Variants in SH2B1 observed in about 807,000 individuals in gnomAD.
SH2B1 encodes the protein SH2B adaptor protein 1.
In SH2B1, 15 loss-of-function variants were observed where a neutral mutation model predicts 62.6. The observed-to-expected ratio is 0.24, with a 90% CI of 0.16 to 0.37. The LOEUF (loss-of-function observed/expected upper bound fraction) is 0.37, where lower values mean the gene tolerates loss of function less well. Among genes scored for constraint, SH2B1 ranks in the 10% least tolerant of loss-of-function variants. The pLI is 1.00. For missense variants in SH2B1, 925 were observed against 1,015.6 expected (o/e 0.91, Z 1.21); for synonymous variants, 443 against 438.0 (o/e 1.01, Z -0.14).
In SH2B1 at chr16:28,873,899, C is replaced by T. The variant is rs933439561; in HGVS notation, c.*79C>T. 96 of 1,293,504 alleles carry T rather than the reference C, an allele frequency of 7.4e-5. No individual in the cohort carries two copies. The East Asian group carries it at 2.7e-3, about 37-fold the overall frequency. 80.1% of individuals were successfully genotyped at this position (1,293,504 alleles called of 1,614,324 possible). ...TGGGCTGGGTAGGGACAGAGGAGGC[C>T]GAAATCCCTCCCCCATGCTTCCTGA... On this transcript the variant is annotated 3_prime_UTR_variant, in exon 8 of 8. Coordinates refer to ENST00000684370, the MANE Select transcript of SH2B1 (RefSeq NM_001387430.1). This position sits in a 1 kb window ranked among gnomAD's most constrained non-coding sequence, Gnocchi z 4.2.
chr16:28,852,343 CATATATATTTATATATATATTTAT>C (rs1209978962), intron 1 of SH2B1, among the ~76,000 whole-genome samples: 4 of 29,526 alleles, frequency 1.4e-4, no homozygotes, highest in African/African-American at 5.8e-4. Context: ...TATATATTTA[CATATATATTTATATATATATTTAT>C]ATATATTTAC....
intron 2 of SH2B1, among the ~76,000 whole-genome samples, chr16:28,867,908 A>G (rs1345298721): frequency 6.6e-6 from 1 of 152,166 alleles, no homozygotes; most frequent in African/African-American, 2.4e-5. Context: ...GGCTCACTGC[A>G]ACCTCTGCCT....
intron 2 of SH2B1, among the ~76,000 whole-genome samples, chr16:28,868,397 C>T (rs895951797): frequency 2.6e-5 from 4 of 152,134 alleles, no homozygotes; most frequent in Non-Finnish European, 5.9e-5. Flanking sequence ...GCCTCAGCCT[C>T]CCAAAGTGCT....
chr16:28,859,932 C>A (rs900303590), upstream of SH2B1, among the ~76,000 whole-genome samples: 2 of 138,024 alleles, frequency 1.4e-5, no homozygotes, highest in African/African-American at 5.5e-5. Flanking sequence ...GTAGTTATAG[C>A]GGAAAGCATC....
rs1009035749 is a variant in SH2B1, at chr16:28,872,323, C to T, written c.1647C>T (p.His549=). The T allele has an allele frequency of 2.5e-6, 4 of 1,613,792 alleles. No homozygotes were observed. Among genetic ancestry groups the T allele is most frequent in the South Asian group, 2.2e-5 (2 of 91,082 alleles). ...QLVLTGGTGS[H]GVFLVRQSET... Reference sequence around the variant, plus strand: ...TGCTGACTGGCGGCACTGGCTCCCACGGTGTCTTCCTGGTGCGCCAGAGTG... The same window carrying T: ...TGCTGACTGGCGGCACTGGCTCCCATGGTGTCTTCCTGGTGCGCCAGAGTG... The change falls in exon 6 of 8, where the codon CAC becomes CAT. Residue 549 remains histidine, a synonymous_variant. Coordinates refer to ENST00000684370, the MANE Select transcript of SH2B1 (RefSeq NM_001387430.1). The surrounding 1 kb of genome is among the most constrained non-coding windows in gnomAD (Gnocchi z 5.3).
chr16:28,862,709 G>C (rs1962489341), upstream of SH2B1: 2 of 143,378 alleles, frequency 1.4e-5, no homozygotes, highest in African/African-American at 2.6e-5. Flanking sequence ...TCTGCCTCCC[G>C]GGTTCAAGCT....
chr16:28,866,606 A>T lies in SH2B1; in HGVS notation c.512A>T (p.Gln171Leu), dbSNP rs757189846. 22 of 1,613,846 alleles carry T rather than the reference A, an allele frequency of 1.4e-5. No homozygotes were observed. Among genetic ancestry groups the T allele is most frequent in the Non-Finnish European group, 1.9e-5 (22 of 1,180,006 alleles). The change falls in exon 1 of 8, where the codon CAG becomes CTG. Residue 171 changes from glutamine to leucine, a missense_variant. By Grantham distance (113) the Gln-to-Leu change is moderately radical (BLOSUM62 -2). Transcript: ENST00000684370. The surrounding 1 kb of genome is among the most constrained non-coding windows in gnomAD (Gnocchi z 6.3). ...CGAGGCTCAGTCCGTGGCATCCTGC[A>T]GTGGCGGGGGACCGTTGACCCTCCC... is the stretch of plus-strand genomic sequence containing the variant. ...SVRGSVRGIL[Q>L]WRGTVDPPSS... is the part of the protein sequence containing the mutation.
At chr16:28,854,001 CAAAAAA>C (rs59760541) in intron 1 of SH2B1, among the ~76,000 whole-genome samples, 6 of 45,982 alleles carry the variant, frequency 1.3e-4, no homozygotes, top group South Asian at 2.5e-3. Flanking sequence ...GACTAGGTCT[CAAAAAA>C]AAAAAAAAAA....
intron 2 of SH2B1, among the ~76,000 whole-genome samples, chr16:28,867,647 G>A (rs938444796): frequency 6.6e-6 from 1 of 152,204 alleles, no homozygotes; most frequent in South Asian, 2.1e-4. Flanking sequence ...GAACTGTGGA[G>A]TTTTTGTTGT....
At chr16:28,857,215 G>A (rs1271235736) in intron 1 of SH2B1, among the ~76,000 whole-genome samples, 1 of 151,780 alleles carries the variant, frequency 6.6e-6, no homozygotes, top group Non-Finnish European at 1.5e-5. Flanking sequence ...CCCGGGAGAT[G>A]GAGGTTGCAG....
chr16:28,847,816 CTTTTTTTTT>C (rs34950443), intron 1 of SH2B1, among the ~76,000 whole-genome samples: 5 of 84,244 alleles, frequency 5.9e-5, no homozygotes, highest in Admixed American at 2.4e-4. Context: ...AAGACCCCAT[CTTTTTTTTT>C]TTTTTTTTTT....
intron 1 of SH2B1, among the ~76,000 whole-genome samples, chr16:28,856,230 G>A (rs1286419176): frequency 2.8e-5 from 4 of 143,780 alleles, no homozygotes; most frequent in African/African-American, 7.8e-5. Context: ...CCCAGATCAC[G>A]CCACTGCACT....
At chr16:28,851,829 G>A (rs1249615516) in intron 1 of SH2B1, among the ~76,000 whole-genome samples, 2 of 150,478 alleles carry the variant, frequency 1.3e-5, no homozygotes, top group Non-Finnish European at 3.0e-5. Context: ...AGCACTTTGG[G>A]AGGCCGAGGC....
At chr16:28,868,110 G>A (rs1228867127) in intron 2 of SH2B1, among the ~76,000 whole-genome samples, 4 of 152,080 alleles carry the variant, frequency 2.6e-5, no homozygotes, top group Non-Finnish European at 5.9e-5. Flanking sequence ...ACAGGCGTGA[G>A]CCACTGTGCC....
At chr16:28,870,644 T>C (rs1388804310) in intron 4 of SH2B1, among the ~76,000 whole-genome samples, 5 of 151,948 alleles carry the variant, frequency 3.3e-5, no homozygotes, top group Admixed American at 2.6e-4. Context: ...CTTTTTTTTT[T>C]TGTTTGTGTG....
Position 28,872,063 on chromosome 16 carries a change from C to A in SH2B1, c.1513+80C>A. ...CACCTCTCCTGGGATCCCGAGGGAG[C>A]TGGCCCAGGGGAGTTGGGGACGCAT... On this transcript the variant is annotated intron_variant, in intron 5 of 7. Transcript: ENST00000684370. The surrounding 1 kb of genome is among the most constrained non-coding windows in gnomAD (Gnocchi z 5.3). 7.4e-7 allele frequency: 1 copy of A among 1,344,116 alleles called. No homozygotes were observed. Among genetic ancestry groups the A allele is most frequent in the Non-Finnish European group, 1.1e-6 (1 of 942,042 alleles). The allele number at this position is 1,344,116 out of a possible 1,614,324, so 83.3% of individuals were successfully genotyped here.
In SH2B1 at chr16:28,864,590, G is replaced by C; in HGVS notation, c.-1505G>C. On this transcript the variant is annotated 5_prime_UTR_variant, in exon 1 of 8. Coordinates refer to ENST00000684370, the MANE Select transcript of SH2B1 (RefSeq NM_001387430.1). ...TTCACCGACTTACAGCCTGGCTGTA[G>C]GTTTGAACAGGAGTCTGAGGTCGCT... The C allele has an allele frequency of 1.0e-6, 1 of 985,660 alleles. No homozygotes were observed. The highest frequency in any genetic ancestry group is 1.2e-6 in the Non-Finnish European group (1 of 830,070). The allele number at this position is 985,660 out of a possible 1,614,324, so 61.1% of individuals were successfully genotyped here.
intron 4 of SH2B1, among the ~76,000 whole-genome samples, chr16:28,870,113 G>A (rs557986449): frequency 6.6e-6 from 1 of 152,330 alleles, no homozygotes; most frequent in Non-Finnish European, 1.5e-5. Flanking sequence ...TGCACCACAC[G>A]CCTGTCTTCT....
intron 1 of SH2B1, among the ~76,000 whole-genome samples, chr16:28,856,110 C>CAA (rs56267263): frequency 0.34 from 46,323 of 134,708 alleles, 8,086 homozygotes; most frequent in Admixed American, 0.42. Context: ...ACTAAAAATA[C>CAA]AAAAAAAAAA....
Sources: gnomAD v4.1 joint callset for allele counts (sites outside exome capture counted in the v4.1 genomes callset) on GRCh38, gnomAD v4.1.1 for gene constraint, Gnocchi (gnomAD v3.1) non-coding constraint, MANE v1.5 for transcripts, NCBI Gene and HGNC (gene_info 2026-07-23, HGNC 2026-07-21) for gene names.